MAP6D1: variants seen among roughly 807,000 people sequenced by gnomAD.
The protein encoded by MAP6D1 is MAP6 domain containing 1.
MAP6D1 carries 13 observed loss-of-function variants against 17.4 expected under a neutral mutation model. The ratio of observed to expected loss-of-function variants is 0.75; its 90% CI spans 0.49 to 1.19. The LOEUF is 1.19. Among genes scored for constraint, MAP6D1 ranks in the 50% most tolerant of loss-of-function variants. The pLI is 0.00. For missense variants in MAP6D1, 313 were observed against 312.6 expected (o/e 1.00, Z -0.01); for synonymous variants, 141 against 145.7 (o/e 0.97, Z 0.23).
rs545671364 is a variant in MAP6D1 at position 183,825,354 on chromosome 3, G to T, written c.194C>A (p.Pro65Gln). 2.8e-6 allele frequency: 4 copies of T among 1,438,740 alleles called. No individual in the cohort carries two copies. The highest frequency in any genetic ancestry group is 1.5e-5 in the African/African-American group (1 of 67,022). 89.1% of individuals were successfully genotyped at this position (1,438,740 alleles called of 1,614,324 possible). Residue 65 changes from proline to glutamine, a missense_variant, in exon 1 of 3, where the codon CCG (proline) becomes CAG (glutamine). Transcript: ENST00000318631. ...AGARDSGRDV[P>Q]LTQYQRDFGL... ...GAAGTCCCGCTGGTACTGAGTGAGCGGCACGTCCCGGCCGGAATCCCGGGC... is the reference window on the plus strand; with the variant it reads ...GAAGTCCCGCTGGTACTGAGTGAGCTGCACGTCCCGGCCGGAATCCCGGGC...
chr3:183,816,126 G>A lies in MAP6D1; in HGVS notation c.*1230C>T, dbSNP rs1727096552. On this transcript the variant is annotated 3_prime_UTR_variant, in exon 3 of 3. Coordinates refer to ENST00000318631, the MANE Select transcript of MAP6D1 (RefSeq NM_024871.4). ...AGCATTTCCTTTGCTGGCATGAGGGGAGGGCTGTGCCTGCCAGGGCTAGCA... is the reference window on the plus strand; with the variant it reads ...AGCATTTCCTTTGCTGGCATGAGGGAAGGGCTGTGCCTGCCAGGGCTAGCA... 6.6e-6 allele frequency: 1 copy of A among 152,230 alleles called. No homozygotes were observed. Among genetic ancestry groups the A allele is most frequent in the African/African-American group, 2.4e-5 (1 of 41,426 alleles). 9.4% of individuals were successfully genotyped at this position (152,230 alleles called of 1,614,324 possible). A position where few individuals can be genotyped will look rare whatever the true frequency, so the allele number is the denominator to read the frequency against.
rs1173065030 is a variant in MAP6D1, at chr3:183,816,026, C to G, written c.*1330G>C. ...TCTTAGAAAAATCAAACATGCAAGC[C>G]GTGAAGTCAGGAATAGCTGAACCCC... On this transcript the variant is annotated 3_prime_UTR_variant, in exon 3 of 3. Transcript: ENST00000318631. 6.6e-6 allele frequency: 1 copy of G among 152,212 alleles called. No individual in the cohort carries two copies. The highest frequency in any genetic ancestry group is 2.4e-5 in the African/African-American group (1 of 41,442). 9.4% of individuals were successfully genotyped at this position (152,212 alleles called of 1,614,324 possible). A position where few individuals can be genotyped will look rare whatever the true frequency, so the allele number is the denominator to read the frequency against.
rs999292687 is a variant in MAP6D1, at chr3:183,817,273, C to G, written c.*83G>C. ...CTCCCGCAGGGGCCCATGCCATGCTCTCGCCCAGCCCCGCGGCAGTGGGTC... is the reference window on the plus strand; with the variant it reads ...CTCCCGCAGGGGCCCATGCCATGCTGTCGCCCAGCCCCGCGGCAGTGGGTC... On this transcript the variant is annotated 3_prime_UTR_variant, in exon 3 of 3. Coordinates refer to ENST00000318631, the MANE Select transcript of MAP6D1 (RefSeq NM_024871.4). 1 of 1,389,942 alleles carries G rather than the reference C, an allele frequency of 7.2e-7. No individual in the cohort carries two copies. The highest frequency in any genetic ancestry group is 2.0e-5 in the Admixed American group (1 of 50,606). 86.1% of individuals were successfully genotyped at this position (1,389,942 alleles called of 1,614,324 possible).
rs867097085 is a variant in MAP6D1, at chr3:183,825,494, C to A, written c.54G>T (p.Gln18His). 1 of 1,420,040 alleles carries A rather than the reference C, an allele frequency of 7.0e-7. No individual in the cohort carries two copies. Among genetic ancestry groups the A allele is most frequent in the Non-Finnish European group, 9.2e-7 (1 of 1,088,424 alleles). 88.0% of individuals were successfully genotyped at this position (1,420,040 alleles called of 1,614,324 possible). A position where few individuals can be genotyped will look rare whatever the true frequency, so the allele number is the denominator to read the frequency against. ...GCACCGCCACGTCGGAGCGGTCCAG[C>A]TGGTTCCAGCGCCGCGCCAGGCAGC... The part of the protein sequence containing the change: ...RLCCLARRWN[Q>H]LDRSDVAVPL... The change falls in exon 1 of 3, where the codon CAG becomes CAT. Residue 18 changes from glutamine to histidine, a missense_variant. Coordinates refer to ENST00000318631, the MANE Select transcript of MAP6D1 (RefSeq NM_024871.4).
chr3:183,822,941 C>T (rs947894497), intron 1 of MAP6D1, among the ~76,000 whole-genome samples: 20 of 152,324 alleles, frequency 1.3e-4, no homozygotes, highest in Admixed American at 1.2e-3. Flanking sequence ...GCCCATGGAG[C>T]GAGCTGACTT....
At position 183,825,511 on chromosome 3, in the gene MAP6D1, C is replaced by T. The variant is rs1343828370; in HGVS notation, c.37G>A (p.Ala13Thr). ...CGGTCCAGCTGGTTCCAGCGCCGCGCCAGGCAGCACAGGCGGCTGATACAG... is the reference window on the plus strand; with the variant it reads ...CGGTCCAGCTGGTTCCAGCGCCGCGTCAGGCAGCACAGGCGGCTGATACAG... Reference protein sequence around the residue: ...WPCISRLCCLARRWNQLDRSD... With the variant: ...WPCISRLCCLTRRWNQLDRSD... The change falls in exon 1 of 3, where the codon GCG becomes ACG. Residue 13 changes from alanine to threonine, a missense_variant. Physicochemically the swap from Ala to Thr is moderately conservative, Grantham distance 58 (BLOSUM62 0). Transcript: ENST00000318631. 1 of 1,391,266 alleles carries T rather than the reference C, an allele frequency of 7.2e-7. No individual in the cohort carries two copies. The highest frequency in any genetic ancestry group is 1.5e-5 in the African/African-American group (1 of 66,464). 86.2% of individuals were successfully genotyped at this position (1,391,266 alleles called of 1,614,324 possible).
intron 1 of MAP6D1, among the ~76,000 whole-genome samples, chr3:183,822,942 G>A (rs1390665518): frequency 1.3e-5 from 2 of 152,232 alleles, no homozygotes; most frequent in African/African-American, 4.8e-5. Flanking sequence ...CCCATGGAGC[G>A]AGCTGACTTG....
intron 1 of MAP6D1, among the ~76,000 whole-genome samples, chr3:183,822,292 CAAA>C (rs375203698): frequency 7.9e-6 from 1 of 127,336 alleles, no homozygotes; most frequent in African/African-American, 2.9e-5. Flanking sequence ...CACACACACA[CAAA>C]ACCCCACATG....
intron 1 of MAP6D1, among the ~76,000 whole-genome samples, chr3:183,818,536 C>G (rs1727174053): frequency 6.6e-6 from 1 of 152,218 alleles, no homozygotes; most frequent in South Asian, 2.1e-4. Context: ...CCCTGCGATT[C>G]TCCCACACCT....
chr3:183,821,101 AAAAAAAG>A (rs1254208272), intron 1 of MAP6D1, among the ~76,000 whole-genome samples: 2 of 151,166 alleles, frequency 1.3e-5, no homozygotes, highest in East Asian at 2.0e-4. Flanking sequence ...CTCAAAAAAA[AAAAAAAG>A]AAAAAAAGAG....
chr3:183,821,554 T>C (rs1395466254), intron 1 of MAP6D1, among the ~76,000 whole-genome samples: 1 of 147,296 alleles, frequency 6.8e-6, no homozygotes, highest in African/African-American at 2.6e-5. Context: ...TTTTTTTTTT[T>C]TTTTTTTTTG....
chr3:183,817,265 G>A lies in MAP6D1; in HGVS notation c.*91C>T, dbSNP rs1042821362. On this transcript the variant is annotated 3_prime_UTR_variant, in exon 3 of 3. Transcript: ENST00000318631. ...GCTGTGCCCTCCCGCAGGGGCCCAT[G>A]CCATGCTCTCGCCCAGCCCCGCGGC... The A allele has an allele frequency of 1.3e-5, 17 of 1,310,472 alleles. No individual in the cohort carries two copies. Among genetic ancestry groups the A allele is most frequent in the South Asian group, 7.6e-5 (6 of 78,870 alleles). The allele number at this position is 1,310,472 out of a possible 1,614,324, so 81.2% of individuals were successfully genotyped here.
rs904550654 is a variant in MAP6D1 at position 183,821,625 on chromosome 3, G to A, written c.402-3514C>T. ...CAGTGGCTCTATCTCGGCTCACTGC[G>A]TCCTCCACCTCCTGGGTTCAATGGA... On this transcript the variant is annotated intron_variant, in intron 1 of 2. Coordinates refer to ENST00000318631, the MANE Select transcript of MAP6D1 (RefSeq NM_024871.4). 4.2e-5 allele frequency among the ~76,000 whole-genome samples: 6 copies of A among 143,860 alleles called. No homozygotes were observed. In the South Asian group the frequency reaches 8.7e-4, roughly 21 times the overall value. The allele number at this position is 143,860 out of a possible 152,430, so 94.4% of individuals were successfully genotyped here. A position where few individuals can be genotyped will look rare whatever the true frequency, so the allele number is the denominator to read the frequency against.
chr3:183,825,298 C>T lies in MAP6D1; in HGVS notation c.250G>A (p.Asp84Asn). 7.5e-7 allele frequency: 1 copy of T among 1,338,398 alleles called. No individual in the cohort carries two copies. The highest frequency in any genetic ancestry group is 9.6e-7 in the Non-Finnish European group (1 of 1,046,450). 82.9% of individuals were successfully genotyped at this position (1,338,398 alleles called of 1,614,324 possible). ...GLWTTPAGPK[D>N]PPPGRGPGAG... ...CCCGGTCCGCGCCCCGGCGGCGGATCCTTGGGCCCGGCGGGCGTGGTCCAC... is the reference window on the plus strand; with the variant it reads ...CCCGGTCCGCGCCCCGGCGGCGGATTCTTGGGCCCGGCGGGCGTGGTCCAC... Residue 84 changes from aspartate to asparagine, a missense_variant, in exon 1 of 3, where the codon GAT becomes AAT. Physicochemically the swap from Asp to Asn is conservative, Grantham distance 23 (BLOSUM62 1). Transcript: ENST00000318631.
chr3:183,821,020 G>A (rs1329381911), intron 1 of MAP6D1, among the ~76,000 whole-genome samples: 4 of 151,996 alleles, frequency 2.6e-5, no homozygotes, highest in East Asian at 3.9e-4. Flanking sequence ...GCTTGAACCC[G>A]GGAGGCGGAG....
Position 183,825,368 on chromosome 3 carries a change from G to A in MAP6D1, c.180C>T (p.Ser60=), listed in dbSNP as rs1195492813. The change falls in exon 1 of 3, where the codon TCC becomes TCT. Residue 60 remains serine (S), a synonymous_variant. Transcript: ENST00000318631. ...ACTGAGTGAGCGGCACGTCCCGGCC[G>A]GAATCCCGGGCGCCCGCGGGAGGCT... ...RGQPPAGARD[S]GRDVPLTQYQ... 1.4e-6 allele frequency: 2 copies of A among 1,441,544 alleles called. No homozygotes were observed. Among genetic ancestry groups the A allele is most frequent in the Non-Finnish European group, 1.8e-6 (2 of 1,099,052 alleles). The allele number at this position is 1,441,544 out of a possible 1,614,324, so 89.3% of individuals were successfully genotyped here. A position where few individuals can be genotyped will look rare whatever the true frequency, so the allele number is the denominator to read the frequency against.
Position 183,818,054 on chromosome 3 carries a change from T to G in MAP6D1, c.459A>C (p.Pro153=). Residue 153 remains proline, a synonymous_variant, in exon 2 of 3, where the codon CCA becomes CCC. Transcript: ENST00000318631. ...VKPSRSTKTK[P]ARVITTHTSG... is the part of the protein sequence containing the mutation. ...AAGTGTGGGTTGTGATGACTCGGGC[T>G]GGTTTTGTCTTTGTGGATCTTGAGG... The G allele has an allele frequency of 6.2e-7, 1 of 1,614,198 alleles. No homozygotes were observed. The highest frequency in any genetic ancestry group is 8.5e-7 in the Non-Finnish European group (1 of 1,180,028).
At chr3:183,822,761 C>T (rs1291934461) in intron 1 of MAP6D1, among the ~76,000 whole-genome samples, 2 of 152,224 alleles carry the variant, frequency 1.3e-5, no homozygotes, top group Non-Finnish European at 2.9e-5. Flanking sequence ...CCTAGACTAG[C>T]CAGCTGGAGG....
In MAP6D1 at chr3:183,816,943, T is replaced by C. The variant is rs759748735; in HGVS notation, c.*413A>G. The C allele has an allele frequency of 4.9e-6, 1 of 203,762 alleles. No homozygotes were observed. Among genetic ancestry groups the C allele is most frequent in the East Asian group, 1.6e-4 (1 of 6,208 alleles). 12.6% of individuals were successfully genotyped at this position (203,762 alleles called of 1,614,324 possible). A position where few individuals can be genotyped will look rare whatever the true frequency, so the allele number is the denominator to read the frequency against. ...AGGGTCTCACTGTAGGTTATGAAAT[T>C]AATCAAGTGCTCACGCATCCTGGGA... is the stretch of plus-strand genomic sequence containing the variant. On this transcript the variant is annotated 3_prime_UTR_variant, in exon 3 of 3. Transcript: ENST00000318631.
Sources: gnomAD v4.1 joint callset for allele counts (sites outside exome capture counted in the v4.1 genomes callset) on GRCh38, gnomAD v4.1.1 for gene constraint, MANE v1.5 for transcripts, NCBI Gene and HGNC (gene_info 2026-07-23, HGNC 2026-07-21) for gene names.